Variants in OCLN observed in about 807,000 individuals in gnomAD.
The protein encoded by OCLN is occludin.
A neutral mutation model predicts 47.9 loss-of-function variants in OCLN; 21 were observed. That is an observed-to-expected ratio of 0.44 (90% confidence interval 0.31 to 0.63). OCLN has a LOEUF of 0.63. Ranked by LOEUF, OCLN falls within the 30% of genes least tolerant of loss-of-function variation. The pLI, the probability that OCLN is intolerant of heterozygous loss-of-function variation, is 0.08. For synonymous variants in OCLN, 117 were observed against 198.4 expected (o/e 0.59, Z 3.45); for missense variants, 360 against 571.0 (o/e 0.63, Z 3.77).
upstream of OCLN, chr5:69,492,556 C>G (rs1365891118): frequency 6.6e-6 from 1 of 152,422 alleles, no homozygotes; most frequent in African/African-American, 2.4e-5. Flanking sequence ...CACACCACAC[C>G]TACACTCCCG....
intron 6 of OCLN, among the ~76,000 whole-genome samples, chr5:69,547,492 A>T (rs1203604335): frequency 2.5e-5 from 3 of 117,660 alleles, no homozygotes; most frequent in Admixed American, 8.8e-5. Flanking sequence ...AATCGCTTGA[A>T]CCCGGGAGGT....
At chr5:69,528,171 T>TA (rs941186899) in intron 4 of OCLN, among the ~76,000 whole-genome samples, 61 of 152,070 alleles carry the variant, frequency 4.0e-4, no homozygotes, top group African/African-American at 9.2e-4. Flanking sequence ...TCTGAGGGTG[T>TA]AAAATATCAA....
intron 1 of OCLN, among the ~76,000 whole-genome samples, chr5:69,494,336 A>G (rs1768232036): frequency 6.6e-6 from 1 of 152,108 alleles, no homozygotes; most frequent in African/African-American, 2.4e-5. Flanking sequence ...ACAGGCACCC[A>G]CTAGTATGCA....
chr5:69,504,241 A>G lies in OCLN; in HGVS notation c.-4A>G. On this transcript the variant is annotated 5_prime_UTR_variant, in exon 2 of 9. Coordinates refer to ENST00000396442, the MANE Select transcript of OCLN (RefSeq NM_001205254.2). ...GAAGATCAGCTGACCATTGACAATC[A>G]GCCATGTCATCCAGGCCTCTTGAAA... 6.2e-7 allele frequency: 1 copy of G among 1,606,182 alleles called. No individual in the cohort carries two copies. Among genetic ancestry groups the G allele is most frequent in the Non-Finnish European group, 8.5e-7 (1 of 1,172,676 alleles).
chr5:69,534,787 G>T lies in OCLN; in HGVS notation c.985G>T (p.Gly329Cys). ...CAGTCCCATGGCATACTCTTCCAAT[G>T]GCAAAGTGAATGACAAGCGGTTTTA... ...VDSPMAYSSN[G>C]KVNDKRFYPE... Residue 329 changes from glycine (G) to cysteine (C), a missense_variant, in exon 5 of 9, where the codon GGC (glycine) becomes TGC (cysteine). Physicochemically the swap from Gly to Cys is radical, Grantham distance 159. This residue lies in a region of OCLN where 21 missense variants were observed against 158.9 expected (regional missense o/e 0.13). Transcript: ENST00000396442. 1 of 1,352,872 alleles carries T rather than the reference G, an allele frequency of 7.4e-7. No individual in the cohort carries two copies. The highest frequency in any genetic ancestry group is 1.0e-6 in the Non-Finnish European group (1 of 973,528). 83.8% of individuals were successfully genotyped at this position (1,352,872 alleles called of 1,614,324 possible). A position where few individuals can be genotyped will look rare whatever the true frequency, so the allele number is the denominator to read the frequency against.
chr5:69,533,955 C>T (rs1192598594), intron 4 of OCLN, among the ~76,000 whole-genome samples: 7 of 152,172 alleles, frequency 4.6e-5, no homozygotes, highest in Admixed American at 6.5e-5. Flanking sequence ...CCACCGCGCC[C>T]GGCCTATTAA....
intron 1 of OCLN, among the ~76,000 whole-genome samples, chr5:69,495,915 T>A (rs1027660707): frequency 2.6e-5 from 4 of 152,194 alleles, no homozygotes; most frequent in Non-Finnish European, 5.9e-5. Flanking sequence ...CTTTTTGGAT[T>A]GACACCTTTA....
At chr5:69,496,189 C>T (rs890069530) in intron 1 of OCLN, among the ~76,000 whole-genome samples, 6 of 151,812 alleles carry the variant, frequency 4.0e-5, no homozygotes, top group African/African-American at 1.5e-4. Context: ...AGCTCCGCCT[C>T]CCGGGTTCAC....
At chr5:69,497,534 C>T (rs1200024700) in intron 1 of OCLN, among the ~76,000 whole-genome samples, 2 of 151,930 alleles carry the variant, frequency 1.3e-5, no homozygotes, top group Non-Finnish European at 2.9e-5. Context: ...ATTACAAGCA[C>T]ACACCACCAT....
intron 2 of OCLN, among the ~76,000 whole-genome samples, chr5:69,506,026 T>C (rs750486915): frequency 1.9e-4 from 29 of 152,232 alleles, no homozygotes; most frequent in Non-Finnish European, 3.4e-4. Flanking sequence ...GGTTGTGGCC[T>C]GTGTTTCTGA....
At chr5:69,498,374 A>G (rs1009342074) in intron 1 of OCLN, among the ~76,000 whole-genome samples, 2 of 151,778 alleles carry the variant, frequency 1.3e-5, no homozygotes, top group African/African-American at 4.8e-5. Context: ...TGTGCCAGTA[A>G]TCTCAGCTAC....
chr5:69,507,610 A>AT (rs956499389), intron 2 of OCLN, among the ~76,000 whole-genome samples: 68 of 147,632 alleles, frequency 4.6e-4, no homozygotes, highest in South Asian at 8.6e-4. Context: ...TAAAAAGATA[A>AT]TTTTTTTTTT....
In OCLN at chr5:69,509,783, G is replaced by T; in HGVS notation, c.693G>T (p.Gln231His). 6 of 1,614,056 alleles carry T rather than the reference G, an allele frequency of 3.7e-6. No homozygotes were observed. The South Asian group carries it at 6.6e-5, about 18-fold the overall frequency. The change falls in exon 3 of 9, where the codon CAG becomes CAT. Residue 231 changes from glutamine to histidine, a missense_variant. Gln to His is a conservative substitution (Grantham distance 24). Coordinates refer to ENST00000396442, the MANE Select transcript of OCLN (RefSeq NM_001205254.2). ...TPAATGLYVD[Q>H]YLYHYCVVDP... ...CAGCTACTGGACTCTACGTGGATCA[G>T]TATTTGTATCACTACTGTGTTGTGG...
chr5:69,553,651 T>C lies in OCLN; in HGVS notation c.1549T>C (p.Tyr517His). 1 of 1,613,938 alleles carries C rather than the reference T, an allele frequency of 6.2e-7. No individual in the cohort carries two copies. The highest frequency in any genetic ancestry group is 8.5e-7 in the Non-Finnish European group (1 of 1,179,950). The change falls in exon 9 of 9, where the codon TAT becomes CAT. Residue 517 changes from tyrosine (Y) to histidine (H), a missense_variant. Physicochemically the swap from Tyr to His is moderately conservative, Grantham distance 83. This residue lies in a region of OCLN where 25 missense variants were observed against 43.9 expected (regional missense o/e 0.57). Coordinates refer to ENST00000396442, the MANE Select transcript of OCLN (RefSeq NM_001205254.2). ...ACACATCAAGAAGATGGTTGGAGAC[T>C]ATGATAGACAGAAAACATAGAAGGC... The part of the protein sequence containing the change: ...LSHIKKMVGD[Y>H]DRQKT
intron 3 of OCLN, among the ~76,000 whole-genome samples, chr5:69,512,684 G>A (rs1248959834): frequency 2.0e-5 from 3 of 152,184 alleles, no homozygotes; most frequent in Admixed American, 6.5e-5. Flanking sequence ...ATGAACGTAA[G>A]ATTCTTTTGA....
chr5:69,506,795 C>T (rs1768619804), intron 2 of OCLN, among the ~76,000 whole-genome samples: 1 of 152,118 alleles, frequency 6.6e-6, no homozygotes, highest in African/African-American at 2.4e-5. Flanking sequence ...ATGGTGGGGA[C>T]ACAAGTTGTT....
chr5:69,534,840 G>T lies in OCLN; in HGVS notation c.1037+1G>T, dbSNP rs748442113. The stretch of plus-strand genomic sequence containing the variant: ...CAGAGTCTTCCTATAAATCCACGCC[G>T]TAAGTAGCATCTCTCTTAGTTTGAT... On this transcript the variant is annotated splice_donor_variant, in intron 5 of 8. Coordinates refer to ENST00000396442, the MANE Select transcript of OCLN (RefSeq NM_001205254.2). LOFTEE classifies it high-confidence loss of function. The T allele has an allele frequency of 1.5e-5, 21 of 1,384,200 alleles. 1 individual carries two copies. The highest frequency in any genetic ancestry group is 2.1e-5 in the Non-Finnish European group (21 of 1,009,872). The allele number at this position is 1,384,200 out of a possible 1,614,324, so 85.7% of individuals were successfully genotyped here. A position where few individuals can be genotyped will look rare whatever the true frequency, so the allele number is the denominator to read the frequency against.
Position 69,553,803 on chromosome 5 carries a change from A to T in OCLN, c.*132A>T. 2.8e-6 allele frequency: 4 copies of T among 1,449,686 alleles called. No homozygotes were observed. In the East Asian group the frequency reaches 9.2e-5, roughly 33 times the overall value. 89.8% of individuals were successfully genotyped at this position (1,449,686 alleles called of 1,614,324 possible). ...GCATCACAAAGTTTTGGTTGCTTTAACATCATCAGTATTGAAGCATTTTAT... is the reference window on the plus strand; with the variant it reads ...GCATCACAAAGTTTTGGTTGCTTTATCATCATCAGTATTGAAGCATTTTAT... On this transcript the variant is annotated 3_prime_UTR_variant, in exon 9 of 9. Transcript: ENST00000396442.
chr5:69,522,184 C>A lies in OCLN; in HGVS notation c.891+8075C>A, dbSNP rs541176637. Among the ~76,000 whole-genome samples, 95 of 152,218 alleles carry A rather than the reference C, an allele frequency of 6.2e-4. 1 individual carries two copies. Among genetic ancestry groups the A allele is most frequent in the Middle Eastern group, 6.8e-3 (2 of 294 alleles). On this transcript the variant is annotated intron_variant, in intron 4 of 8. Coordinates refer to ENST00000396442, the MANE Select transcript of OCLN (RefSeq NM_001205254.2). ...ATTTCCTGTCTCTTTATGGCCTCTACATATCTTTGTTCCTAGAGAGTTTTA... is the reference window on the plus strand; with the variant it reads ...ATTTCCTGTCTCTTTATGGCCTCTAAATATCTTTGTTCCTAGAGAGTTTTA...
Sources: allele counts gnomAD v4.1 joint callset (sites outside exome capture counted in the v4.1 genomes callset), GRCh38; gene constraint gnomAD v4.1.1; regional missense constraint gnomAD v4.1.1; transcripts MANE v1.5; gene names NCBI Gene and HGNC (gene_info 2026-07-23, HGNC 2026-07-21).